BBS9: variants seen among roughly 807,000 people sequenced by gnomAD.
BBS9 encodes the protein Bardet-Biedl syndrome 9.
In BBS9, 89 loss-of-function variants were observed where a neutral mutation model predicts 117.7. The observed-to-expected ratio is 0.76, with a 90% CI of 0.64 to 0.90. The LOEUF (loss-of-function observed/expected upper bound fraction) is 0.90. Ranked by LOEUF, BBS9 falls within the 40% of genes least tolerant of loss-of-function variation. The pLI, the probability that BBS9 is intolerant of heterozygous loss-of-function variation, is 0.00. For synonymous variants in BBS9, 379 were observed against 370.9 expected (o/e 1.02, Z -0.25); for missense variants, 982 against 1,042.2 (o/e 0.94, Z 0.80).
chr7:33,174,612 T>C (rs1374936159), intron 4 of BBS9, among the ~76,000 whole-genome samples: 1 of 152,224 alleles, frequency 6.6e-6, no homozygotes, highest in African/African-American at 2.4e-5. Context: ...AACTCGATGA[T>C]TGGCACAAGG....
At chr7:33,158,733 T>C (rs1191409888) in intron 4 of BBS9, among the ~76,000 whole-genome samples, 2 of 152,166 alleles carry the variant, frequency 1.3e-5, no homozygotes, top group African/African-American at 4.8e-5. Flanking sequence ...ATAGGTGCTT[T>C]TCTTATTCAG....
chr7:33,211,314 T>C (rs1201804328), intron 5 of BBS9, among the ~76,000 whole-genome samples: 1 of 152,174 alleles, frequency 6.6e-6, no homozygotes, highest in Non-Finnish European at 1.5e-5. Flanking sequence ...CTTTTTTGTG[T>C]GTGTGTATCT....
intron 19 of BBS9, among the ~76,000 whole-genome samples, chr7:33,445,658 G>A (rs1033655736): frequency 4.6e-5 from 7 of 152,178 alleles, no homozygotes; most frequent in Non-Finnish European, 7.4e-5. Flanking sequence ...GTTTGGCTGT[G>A]TCTCCGCCCA....
Position 33,590,794 on chromosome 7 carries a change from T to G in BBS9, c.2522-14071T>G, listed in dbSNP as rs185726519. ...CAATACCCTATGAACTAGGTATAATTATTATCTGCATTTTACAAATAAGGA... is the reference window on the plus strand; with the variant it reads ...CAATACCCTATGAACTAGGTATAATGATTATCTGCATTTTACAAATAAGGA... On this transcript the variant is annotated intron_variant, in intron 21 of 22. Transcript: ENST00000242067. Among the ~76,000 whole-genome samples the G allele has an allele frequency of 3.9e-5, 6 of 152,156 alleles. No individual in the cohort carries two copies. In the East Asian group the frequency reaches 1.2e-3, roughly 29 times the overall value.
intron 21 of BBS9, among the ~76,000 whole-genome samples, chr7:33,583,489 T>C (rs1238952386): frequency 6.6e-6 from 1 of 152,154 alleles, no homozygotes; most frequent in East Asian, 1.9e-4. Flanking sequence ...TTTTTGTTTG[T>C]TTATTTATTT....
intron 19 of BBS9, among the ~76,000 whole-genome samples, chr7:33,474,284 G>T (rs1276263037): frequency 6.6e-6 from 1 of 152,142 alleles, no homozygotes; most frequent in Non-Finnish European, 1.5e-5. Flanking sequence ...TTTAACATTT[G>T]TATGGATTAT....
chr7:33,584,222 A>G (rs1252234519), intron 21 of BBS9, among the ~76,000 whole-genome samples: 1 of 152,022 alleles, frequency 6.6e-6, no homozygotes, highest in East Asian at 1.9e-4. Context: ...GTGGAAAATA[A>G]GACTTTTTAT....
chr7:33,242,623 G>A (rs550366073), intron 5 of BBS9, among the ~76,000 whole-genome samples: 1 of 152,112 alleles, frequency 6.6e-6, no homozygotes, highest in South Asian at 2.1e-4. Context: ...GAGAATCAGG[G>A]TCTTATATGC....
At chr7:33,237,453 C>T (rs1051823211) in intron 5 of BBS9, among the ~76,000 whole-genome samples, 1 of 152,160 alleles carries the variant, frequency 6.6e-6, no homozygotes, top group African/African-American at 2.4e-5. Context: ...TTAGTATATG[C>T]CTTTACAGTA....
intron 5 of BBS9, among the ~76,000 whole-genome samples, chr7:33,232,063 C>A (rs1049575712): frequency 2.0e-5 from 3 of 152,120 alleles, no homozygotes; most frequent in East Asian, 1.9e-4. Context: ...CTCCTCTTTT[C>A]TTCTCTTGTT....
At chr7:33,340,384 A>G (rs564475336) in intron 10 of BBS9, among the ~76,000 whole-genome samples, 2 of 152,306 alleles carry the variant, frequency 1.3e-5, no homozygotes, top group African/African-American at 2.4e-5. Context: ...GGGACATTGC[A>G]TAGTACAGAT....
intron 20 of BBS9, 162 bp from the exon 21 acceptor site, chr7:33,533,784 TGACAGAGC>T: frequency 1.4e-6 from 1 of 716,074 alleles, no homozygotes; most frequent in Non-Finnish European, 2.4e-6. Context: ...GTCAAACAGG[TGACAGAGC>T]CAGAATTCCA....
At chr7:33,345,199 A>G (rs984566909) in intron 12 of BBS9, among the ~76,000 whole-genome samples, 2 of 152,262 alleles carry the variant, frequency 1.3e-5, no homozygotes, top group African/African-American at 4.8e-5. Flanking sequence ...AAAATAGAAT[A>G]TTAAGGATGT....
At chr7:33,541,776 G>A (rs2129071578) in intron 21 of BBS9, among the ~76,000 whole-genome samples, 1 of 152,308 alleles carries the variant, frequency 6.6e-6, no homozygotes, top group East Asian at 1.9e-4. Flanking sequence ...AAGTATGTTA[G>A]TGGTTGCCTA....
chr7:33,500,910 T>C (rs1444287705), intron 19 of BBS9, among the ~76,000 whole-genome samples: 1 of 152,232 alleles, frequency 6.6e-6, no homozygotes, highest in African/African-American at 2.4e-5. Context: ...TCAACTGATA[T>C]GTCAGTTGGA....
chr7:33,581,671 C>T (rs528766294), intron 21 of BBS9, among the ~76,000 whole-genome samples: 3 of 152,218 alleles, frequency 2.0e-5, no homozygotes, highest in Non-Finnish European at 4.4e-5. Context: ...GGTTCAAAAG[C>T]CTTGCTGGTT....
intron 19 of BBS9, among the ~76,000 whole-genome samples, chr7:33,411,111 A>G (rs1252407255): frequency 7.1e-6 from 1 of 140,926 alleles, no homozygotes; most frequent in Non-Finnish European, 1.5e-5. Context: ...GCCTTCTTTT[A>G]GCCGGAAAGG....
intron 18 of BBS9, among the ~76,000 whole-genome samples, chr7:33,386,109 A>G (rs973969857): frequency 6.6e-6 from 1 of 152,194 alleles, no homozygotes; most frequent in Non-Finnish European, 1.5e-5. Flanking sequence ...GTGCACATGT[A>G]CCCTAGAAAT....
At chr7:33,365,830 T>C (rs1821593085) in intron 16 of BBS9, among the ~76,000 whole-genome samples, 1 of 152,228 alleles carries the variant, frequency 6.6e-6, no homozygotes, top group African/African-American at 2.4e-5. Context: ...CATGGATGTG[T>C]GCAGTTACTC....
Sources: gnomAD v4.1 joint callset for allele counts (sites outside exome capture counted in the v4.1 genomes callset) on GRCh38, gnomAD v4.1.1 for gene constraint, MANE v1.5 for transcripts, NCBI Gene and HGNC (gene_info 2026-07-23, HGNC 2026-07-21) for gene names.